PCDHA4: variants seen among roughly 807,000 people sequenced by gnomAD.
PCDHA4 encodes protocadherin alpha 4.
PCDHA4 carries 49 observed loss-of-function variants against 61.4 expected under a neutral mutation model. That is an observed-to-expected ratio of 0.80 (90% CI 0.63 to 1.01). The LOEUF is 1.01. Ranked by LOEUF, PCDHA4 falls within the 50% of genes least tolerant of loss-of-function variation. PCDHA4 has a pLI of 0.00. For synonymous variants in PCDHA4, 590 were observed against 550.3 expected, an observed-to-expected ratio of 1.07 and a Z score of -1.01; for missense variants, 1,254 against 1,235.8, an observed-to-expected ratio of 1.01 and a Z score of -0.22.
intron 1 of PCDHA4, chr5:140,822,691 G>A (rs2150118624): frequency 2.5e-6 from 4 of 1,610,040 alleles, no homozygotes; most frequent in South Asian, 1.1e-5. Flanking sequence ...AGTTAACGGG[G>A]AACTGGATTA....
chr5:140,935,388 T>C (rs2090344079), intron 1 of PCDHA4, among the ~76,000 whole-genome samples: 1 of 152,240 alleles, frequency 6.6e-6, no homozygotes, highest in African/African-American at 2.4e-5. Context: ...TCATTTGTTA[T>C]CCCACGGGAC....
chr5:140,850,087 TAC>T (rs2041337151), intron 1 of PCDHA4: 1 of 1,596,398 alleles, frequency 6.3e-7, no homozygotes, highest in African/African-American at 1.3e-5. Context: ...CTGGAGCTGC[TAC>T]AGTTCCAGGT....
chr5:140,921,282 A>C (rs1208744523), intron 1 of PCDHA4, among the ~76,000 whole-genome samples: 1 of 152,224 alleles, frequency 6.6e-6, no homozygotes, highest in Non-Finnish European at 1.5e-5. Flanking sequence ...CTTGAAAAAA[A>C]CCTCAAATTT....
intron 3 of PCDHA4, among the ~76,000 whole-genome samples, chr5:140,988,254 T>G (rs910037234): frequency 6.6e-6 from 1 of 152,188 alleles, no homozygotes; most frequent in East Asian, 1.9e-4. Context: ...AGCTCCCGCC[T>G]GTGAGTATCC....
intron 3 of PCDHA4, among the ~76,000 whole-genome samples, chr5:140,997,957 C>T (rs1051643572): frequency 6.6e-5 from 10 of 152,156 alleles, no homozygotes; most frequent in East Asian, 1.9e-4. Context: ...TTGGCATTCA[C>T]GTACCTGTGG....
chr5:140,811,717 T>C (rs1554125800), intron 1 of PCDHA4: 5 of 152,228 alleles, frequency 3.3e-5, no homozygotes, highest in Non-Finnish European at 7.3e-5. Context: ...TGGTATCTCA[T>C]TGTGGTTTTG....
chr5:140,923,220 G>A (rs1264496576), intron 1 of PCDHA4, among the ~76,000 whole-genome samples: 5 of 71,932 alleles, frequency 7.0e-5, no homozygotes, highest in African/African-American at 2.1e-4. Flanking sequence ...TGAAAGGATC[G>A]TTTGAGCCCA....
chr5:140,883,179 C>A, intron 1 of PCDHA4: 4 of 1,613,776 alleles, frequency 2.5e-6, no homozygotes, highest in Non-Finnish European at 1.7e-6. Flanking sequence ...GAAATTAGGA[C>A]AAAAGGCAAA....
chr5:141,000,395 C>CTCTCTA (rs1213762225), intron 3 of PCDHA4, among the ~76,000 whole-genome samples: 5 of 53,980 alleles, frequency 9.3e-5, no homozygotes, highest in East Asian at 6.1e-4. Flanking sequence ...CTCTCTCTCT[C>CTCTCTA]TATATATATA....
intron 1 of PCDHA4, chr5:140,877,686 G>T (rs1554169986): frequency 6.2e-7 from 1 of 1,613,818 alleles, no homozygotes; most frequent in Non-Finnish European, 8.5e-7. Flanking sequence ...GCAAGCCCAC[G>T]CTGGTGTGCT....
chr5:140,928,155 C>T, intron 1 of PCDHA4: 2 of 1,614,178 alleles, frequency 1.2e-6, no homozygotes, highest in Non-Finnish European at 1.7e-6. Flanking sequence ...CAGATAGTGG[C>T]TCACCCCCAC....
intron 1 of PCDHA4, chr5:140,927,853 G>A: frequency 6.2e-7 from 1 of 1,614,214 alleles, no homozygotes. Flanking sequence ...CTTTGGTTTA[G>A]CTAGCACCGC....
intron 1 of PCDHA4, chr5:140,823,391 C>G (rs2150125471): frequency 6.2e-7 from 1 of 1,612,850 alleles, no homozygotes; most frequent in East Asian, 2.2e-5. Context: ...GCGCGCGACG[C>G]GGGCGTGCCG....
At chr5:140,960,177 G>C (rs2095530246) in intron 1 of PCDHA4, among the ~76,000 whole-genome samples, 1 of 152,052 alleles carries the variant, frequency 6.6e-6, no homozygotes, top group Non-Finnish European at 1.5e-5. Flanking sequence ...CTTAAGTTAG[G>C]GGTTGCATGT....
rs1554124704 is a variant in PCDHA4 at position 140,808,702 on chromosome 5, G to A, written c.1515G>A (p.Ser505=). 3.1e-6 allele frequency: 5 copies of A among 1,612,168 alleles called. No homozygotes were observed. Among genetic ancestry groups the A allele is most frequent in the Non-Finnish European group, 3.4e-6 (4 of 1,179,808 alleles). The change falls in exon 1 of 4, where the codon TCG becomes TCA. Residue 505 remains serine (S), a synonymous_variant. Coordinates refer to ENST00000530339, the MANE Select transcript of PCDHA4 (RefSeq NM_018907.4). ...VERRVGERAL[S]SYVSVHAESG... ...GGCGGGTAGGGGAGCGCGCGCTGTC[G>A]AGCTACGTTTCGGTGCATGCGGAGA...
chr5:140,808,822 G>A lies in PCDHA4; in HGVS notation c.1635G>A (p.Leu545=). 6.2e-7 allele frequency: 1 copy of A among 1,612,910 alleles called. No individual in the cohort carries two copies. Among genetic ancestry groups the A allele is most frequent in the Non-Finnish European group, 8.5e-7 (1 of 1,179,854 alleles). Residue 545 remains leucine (L), a synonymous_variant, in exon 1 of 4, where the codon CTG becomes CTA. Transcript: ENST00000530339. ...VTARDAGVPP[L]GSNVTLQVFV... is the part of the protein sequence containing the mutation. ...CTCGCGATGCCGGCGTGCCACCTCTGGGCAGCAACGTGACGCTGCAGGTGT... is the reference window on the plus strand; with the variant it reads ...CTCGCGATGCCGGCGTGCCACCTCTAGGCAGCAACGTGACGCTGCAGGTGT...
chr5:140,927,918 CCTGA>C, intron 1 of PCDHA4: 1 of 1,614,220 alleles, frequency 6.2e-7, no homozygotes, highest in Non-Finnish European at 8.5e-7. Context: ...AACTGGACTT[CCTGA>C]CTCTTTCGAA....
At chr5:140,836,479 A>G (rs782130761) in intron 1 of PCDHA4, 4 of 1,613,680 alleles carry the variant, frequency 2.5e-6, no homozygotes, top group Admixed American at 1.7e-5. Flanking sequence ...GTCAACGTGT[A>G]CCTGATCATC....
intron 1 of PCDHA4, chr5:140,928,245 A>G: frequency 2.5e-6 from 4 of 1,614,192 alleles, no homozygotes; most frequent in Non-Finnish European, 8.5e-7. Context: ...CCCAGCAGGA[A>G]CTTTTCGTTG....
Sources: gnomAD v4.1 joint callset for allele counts (sites outside exome capture counted in the v4.1 genomes callset) on GRCh38, gnomAD v4.1.1 for gene constraint, MANE v1.5 for transcripts, NCBI Gene and HGNC (gene_info 2026-07-23, HGNC 2026-07-21) for gene names.